ACSL5: variants seen among roughly 807,000 people sequenced by gnomAD.
ACSL5 encodes the protein long-chain-fatty-acid--CoA ligase 5.
A neutral mutation model predicts 84.9 loss-of-function variants in ACSL5; 50 were observed. The observed-to-expected ratio is 0.59, with a 90% CI of 0.47 to 0.75. The LOEUF (loss-of-function observed/expected upper bound fraction) is 0.75, where lower values mean the gene tolerates loss of function less well. Among genes scored for constraint, ACSL5 ranks in the 30% least tolerant of loss-of-function variants. The pLI, the probability that ACSL5 is intolerant of heterozygous loss-of-function variation, is 0.00. For synonymous variants in ACSL5, 280 were observed against 300.7 expected (o/e 0.93, Z 0.71); for missense variants, 775 against 830.4 (o/e 0.93, Z 0.82).
chr10:112,386,128 G>GA (rs1157331345), intron 1 of ACSL5, among the ~76,000 whole-genome samples: 1 of 143,050 alleles, frequency 7.0e-6, no homozygotes, highest in Non-Finnish European at 1.5e-5. Flanking sequence ...GTTTCAGGAT[G>GA]ATTTTATTAA....
At chr10:112,389,553 A>G (rs1254061981) in intron 1 of ACSL5, among the ~76,000 whole-genome samples, 1 of 152,010 alleles carries the variant, frequency 6.6e-6, no homozygotes, top group Non-Finnish European at 1.5e-5. Flanking sequence ...TTTCTTTACC[A>G]CTATTGTGCT....
chr10:112,399,571 C>A (rs967078581), intron 3 of ACSL5, among the ~76,000 whole-genome samples: 2 of 152,170 alleles, frequency 1.3e-5, no homozygotes, highest in Admixed American at 6.5e-5. Flanking sequence ...TGGAATACAT[C>A]AAGCCTTAAT....
intron 19 of ACSL5, 87 bp downstream of exon 19, chr10:112,426,446 A>C (rs1039368316): frequency 8.8e-7 from 1 of 1,138,694 alleles, no homozygotes; most frequent in Admixed American, 1.8e-5. Context: ...ATCTGTCACA[A>C]GTGGCTGCAG....
intron 17 of ACSL5, among the ~76,000 whole-genome samples, chr10:112,423,630 A>G (rs1303491476): frequency 6.6e-6 from 1 of 152,114 alleles, no homozygotes; most frequent in African/African-American, 2.4e-5. Context: ...CAGTGATCCT[A>G]GCACTGTTTT....
intron 1 of ACSL5, among the ~76,000 whole-genome samples, chr10:112,387,143 G>T (rs1487811821): frequency 6.6e-6 from 1 of 152,086 alleles, no homozygotes; most frequent in Non-Finnish European, 1.5e-5. Context: ...CAATCTACTG[G>T]GCTTTTTCCA....
intron 3 of ACSL5, among the ~76,000 whole-genome samples, chr10:112,401,839 T>TCTTTCTTTCTTTCTTCCTTC (rs1491438129): frequency 1.1e-5 from 1 of 92,006 alleles, no homozygotes; most frequent in Non-Finnish European, 2.3e-5. Context: ...TTTCTTTCTT[T>TCTTTCTTTCTTTCTTCCTTC]CTTCCTTCCT....
At chr10:112,388,673 C>T (rs1298645244) in intron 1 of ACSL5, among the ~76,000 whole-genome samples, 13 of 152,202 alleles carry the variant, frequency 8.5e-5, no homozygotes, top group Admixed American at 8.5e-4. Context: ...AACATCAGCT[C>T]AGTTGGCACA....
chr10:112,403,253 A>G (rs760977403), intron 3 of ACSL5, among the ~76,000 whole-genome samples: 2 of 152,236 alleles, frequency 1.3e-5, no homozygotes, highest in Non-Finnish European at 2.9e-5. Flanking sequence ...GACTATAGTA[A>G]TAACTTTTCA....
Position 112,427,076 on chromosome 10 carries a change from T to C in ACSL5, c.1912-142T>C, listed in dbSNP as rs77263352. 1,907 of 967,228 alleles carry C rather than the reference T, an allele frequency of 2.0e-3. 23 individuals carry two copies. The African/African-American group carries it at 0.028, about 14-fold the overall frequency. 59.9% of individuals were successfully genotyped at this position (967,228 alleles called of 1,614,324 possible). A position where few individuals can be genotyped will look rare whatever the true frequency, so the allele number is the denominator to read the frequency against. On this transcript the variant is annotated intron_variant, in intron 20 of 20. Transcript: ENST00000354655. Reference sequence around the variant, plus strand: ...CCCTACTCATTACTTTCTTAAATTATGTTTGTGGGAATGGGCATGTGTTAC... The same window carrying C: ...CCCTACTCATTACTTTCTTAAATTACGTTTGTGGGAATGGGCATGTGTTAC...
rs1843813646 is a variant in ACSL5, at chr10:112,398,995, G to T, written c.251G>T (p.Gly84Val). 6.2e-7 allele frequency: 1 copy of T among 1,613,678 alleles called. No individual in the cohort carries two copies. The highest frequency in any genetic ancestry group is 8.5e-7 in the Non-Finnish European group (1 of 1,179,690). ...AKTMYEVFQRGLAVSDNGPCL... is the reference protein window; with the variant it reads ...AKTMYEVFQRVLAVSDNGPCL... Reference sequence around the variant, plus strand: ...ACTATGTATGAGGTTTTCCAAAGAGGACTCGCTGTGTCTGGTAAGCCTGGT... The same window carrying T: ...ACTATGTATGAGGTTTTCCAAAGAGTACTCGCTGTGTCTGGTAAGCCTGGT... Residue 84 changes from glycine to valine, a missense_variant, in exon 3 of 21, where the codon GGA becomes GTA. Physicochemically the swap from Gly to Val is moderately radical, Grantham distance 109. Transcript: ENST00000354655.
At chr10:112,415,811 C>T (rs753296911) in intron 12 of ACSL5, among the ~76,000 whole-genome samples, 29 of 152,182 alleles carry the variant, frequency 1.9e-4, no homozygotes, top group South Asian at 6.2e-4. Flanking sequence ...TGCCTTGAAT[C>T]TGACTTCCAG....
chr10:112,394,598 G>A, intron 1 of ACSL5: 1 of 396,504 alleles, frequency 2.5e-6, no homozygotes, highest in Non-Finnish European at 3.4e-6. Flanking sequence ...TCCAGGCTTT[G>A]TGCACCAACA....
intron 1 of ACSL5, among the ~76,000 whole-genome samples, chr10:112,381,889 T>A (rs1385516151): frequency 6.6e-6 from 1 of 151,880 alleles, no homozygotes; most frequent in African/African-American, 2.4e-5. Context: ...ATCGCTTGAC[T>A]CCGTCTCAAA....
At chr10:112,412,646 T>C (rs1291503821) in intron 11 of ACSL5, 2 of 152,796 alleles carry the variant, frequency 1.3e-5, no homozygotes, top group Admixed American at 1.3e-4. Context: ...TCATGGTTGA[T>C]GCCTAAAATG....
chr10:112,427,970 C>A lies in ACSL5; in HGVS notation c.*612C>A, dbSNP rs746933067. The A allele has an allele frequency of 3.1e-4, 48 of 154,454 alleles. No individual in the cohort carries two copies. Among genetic ancestry groups the A allele is most frequent in the Non-Finnish European group, 4.6e-4 (32 of 69,508 alleles). The allele number at this position is 154,454 out of a possible 1,614,324, so 9.6% of individuals were successfully genotyped here. On this transcript the variant is annotated 3_prime_UTR_variant, in exon 21 of 21. Coordinates refer to ENST00000354655, the MANE Select transcript of ACSL5 (RefSeq NM_203379.2). ...AAAAGTTTGATCATACCAAACATTTCCTAAACTCTCTAGTTAGATATCTGA... is the reference window on the plus strand; with the variant it reads ...AAAAGTTTGATCATACCAAACATTTACTAAACTCTCTAGTTAGATATCTGA...
At chr10:112,384,707 C>T (rs541685165) in intron 1 of ACSL5, among the ~76,000 whole-genome samples, 5 of 152,184 alleles carry the variant, frequency 3.3e-5, no homozygotes, top group Non-Finnish European at 5.9e-5. Context: ...AGGTCCTCAC[C>T]GTGTTCCCCA....
chr10:112,422,964 G>A (rs1205815621), intron 17 of ACSL5, among the ~76,000 whole-genome samples: 6 of 149,160 alleles, frequency 4.0e-5, no homozygotes, highest in African/African-American at 9.8e-5. Flanking sequence ...CGAGGCGGGC[G>A]GATCACAAGG....
intron 1 of ACSL5, among the ~76,000 whole-genome samples, chr10:112,376,821 A>C (rs1356731990): frequency 6.6e-6 from 1 of 152,016 alleles, no homozygotes; most frequent in African/African-American, 2.4e-5. Flanking sequence ...GAATGAGACC[A>C]ATGGGGTGGG....
Position 112,379,614 on chromosome 10 carries a change from C to G in ACSL5, c.-30+5345C>G, listed in dbSNP as rs146725635. Among the ~76,000 whole-genome samples the G allele has an allele frequency of 2.2e-3, 328 of 152,266 alleles. 7 individuals are homozygous for G. The highest frequency in any genetic ancestry group is 0.016 in the Admixed American group (250 of 15,296). On this transcript the variant is annotated intron_variant, in intron 1 of 20. Coordinates refer to ENST00000354655, the MANE Select transcript of ACSL5 (RefSeq NM_203379.2). ...GATTGAGGACTTCCCATGTGCCTGACAGCATACCAACTGTTCTACACACAG... is the reference window on the plus strand; with the variant it reads ...GATTGAGGACTTCCCATGTGCCTGAGAGCATACCAACTGTTCTACACACAG...
Sources: allele counts gnomAD v4.1 joint callset (sites outside exome capture counted in the v4.1 genomes callset), GRCh38; gene constraint gnomAD v4.1.1; transcripts MANE v1.5; gene names NCBI Gene and HGNC (gene_info 2026-07-23, HGNC 2026-07-21).